CDH17: variants seen among roughly 807,000 people sequenced by gnomAD.
CDH17 encodes the protein cadherin 17, also known as cadherin-17.
Under a neutral mutation model 86.3 loss-of-function variants are expected in CDH17, and 67 were observed. The observed-to-expected ratio is 0.78, with a 90% CI of 0.64 to 0.95. CDH17 has a LOEUF of 0.95. Ranked by LOEUF, CDH17 falls within the 40% of genes least tolerant of loss-of-function variation. The probability of loss-of-function intolerance (pLI) is 0.00; values close to 1 mark genes in which losing one functional copy is unlikely to be tolerated. For synonymous variants in CDH17, 367 were observed against 366.4 expected (o/e 1.00, Z -0.02); for missense variants, 993 against 1,017.6 (o/e 0.98, Z 0.33).
rs1429132554 is a variant in CDH17, at chr8:94,177,592, G to T, written c.280C>A (p.Leu94Ile). 6.2e-6 allele frequency: 10 copies of T among 1,613,750 alleles called. No individual in the cohort carries two copies. Among genetic ancestry groups the T allele is most frequent in the Non-Finnish European group, 8.5e-6 (10 of 1,179,750 alleles). Reference sequence around the variant, plus strand: ...TTCAGCTGGTATCAATTTACCTGGAGATTGTGAGTAGATCTTGTTTCCCTG... The same window carrying T: ...TTCAGCTGGTATCAATTTACCTGGATATTGTGAGTAGATCTTGTTTCCCTG... ...LDRETRSTHN[L>I]QVAALDANGI... The change falls in exon 4 of 18, where the codon CTC becomes ATC. Residue 94 changes from leucine to isoleucine, a missense_variant. Transcript: ENST00000027335.
chr8:94,168,413 G>A (rs948537969), intron 9 of CDH17, among the ~76,000 whole-genome samples: 1 of 150,952 alleles, frequency 6.6e-6, no homozygotes. Context: ...TGCTGGGTGG[G>A]ATTACAGGCA....
chr8:94,130,562 C>T (rs1812391399), intron 17 of CDH17, 64 bp downstream of exon 17: 1 of 1,127,780 alleles, frequency 8.9e-7, no homozygotes, highest in South Asian at 1.4e-5. Flanking sequence ...AAGACAGGCC[C>T]TGAGATGAGC....
intron 3 of CDH17, 87 bp from the exon 4 acceptor site, chr8:94,177,808 T>A (rs1283764644): frequency 7.7e-7 from 1 of 1,302,108 alleles, no homozygotes; most frequent in African/African-American, 1.5e-5. Context: ...TCAGGTAAAA[T>A]TTTCATTGGT....
intron 1 of CDH17, among the ~76,000 whole-genome samples, chr8:94,197,704 G>A (rs573580130): frequency 1.3e-5 from 2 of 151,948 alleles, no homozygotes; most frequent in Non-Finnish European, 2.9e-5. Flanking sequence ...GGCAGTAGGT[G>A]CCTGTAGTCC....
At chr8:94,139,706 C>G (rs1440505546) in intron 15 of CDH17, among the ~76,000 whole-genome samples, 1 of 151,696 alleles carries the variant, frequency 6.6e-6, no homozygotes, top group Non-Finnish European at 1.5e-5. Context: ...AGTTTGAGAC[C>G]AGTCTGGCCA....
In CDH17 at chr8:94,167,320, A is replaced by G. The variant is rs187992561; in HGVS notation, c.1067-1344T>C. On this transcript the variant is annotated intron_variant, in intron 9 of 17. Coordinates refer to ENST00000027335, the MANE Select transcript of CDH17 (RefSeq NM_004063.4). The stretch of plus-strand genomic sequence containing the variant: ...GGAGGTGGGAATTGTAGGTCTCTTT[A>G]TATGTAGCAAGAATCCCACGTAGGA... Among the ~76,000 whole-genome samples the G allele has an allele frequency of 4.3e-3, 653 of 152,228 alleles. 5 individuals carry two copies. The highest frequency in any genetic ancestry group is 6.7e-3 in the Non-Finnish European group (455 of 68,000).
At chr8:94,154,799 T>C (rs1265402781) in intron 12 of CDH17, among the ~76,000 whole-genome samples, 1 of 152,186 alleles carries the variant, frequency 6.6e-6, no homozygotes, top group African/African-American at 2.4e-5. Flanking sequence ...GAAGAAGAAC[T>C]GCATCATATT....
Position 94,128,998 on chromosome 8 carries a change from T to A in CDH17, c.2399-658A>T, listed in dbSNP as rs188054763. 2.4e-3 allele frequency among the ~76,000 whole-genome samples: 360 copies of A among 152,328 alleles called. 2 individuals are homozygous for A. Among genetic ancestry groups the A allele is most frequent in the Admixed American group, 7.8e-3 (120 of 15,300 alleles). ...GAAGAAGGAGTTGTTTTAAGGAAAT[T>A]AACCTGCTAGTAAGTTTATAGGAGG... On this transcript the variant is annotated intron_variant, in intron 17 of 17. Transcript: ENST00000027335.
At position 94,136,111 on chromosome 8, in the gene CDH17, T is replaced by A. The variant is rs562641543; in HGVS notation, c.2168-5119A>T. On this transcript the variant is annotated intron_variant, in intron 15 of 17. Transcript: ENST00000027335. ...ATTTTTCCCTTCATTTCAACCTTGG[T>A]GAATCTGACAATTATGTGTCTTGGG... Among the ~76,000 whole-genome samples the A allele has an allele frequency of 1.2e-3, 190 of 152,288 alleles. 1 individual carries two copies. The highest frequency in any genetic ancestry group is 4.2e-3 in the African/African-American group (174 of 41,558).
At chr8:94,156,730 C>G (rs370904499) in intron 12 of CDH17, among the ~76,000 whole-genome samples, 1 of 152,220 alleles carries the variant, frequency 6.6e-6, no homozygotes, top group East Asian at 1.9e-4. Context: ...GGAAAGCATA[C>G]CTGTCCGCAG....
At position 94,194,048 on chromosome 8, in the gene CDH17, T is replaced by TA. The variant is rs989945343; in HGVS notation, c.51+586dup. Among the ~76,000 whole-genome samples the TA allele has an allele frequency of 4.6e-5, 7 of 152,126 alleles. 1 individual carries two copies. The East Asian group carries it at 9.6e-4, about 21-fold the overall frequency. ...TGAACCTCAGCAGTCACGTAGATTT[T>TA]AAAAAAAGGCACCTACTGTTTACCC... On this transcript the variant is annotated intron_variant, in intron 2 of 17. Coordinates refer to ENST00000027335, the MANE Select transcript of CDH17 (RefSeq NM_004063.4).
At chr8:94,130,593 A>G (rs1216245174) in intron 17 of CDH17, 33 bp downstream of exon 17, 5 of 1,437,836 alleles carry the variant, frequency 3.5e-6, no homozygotes, top group Non-Finnish European at 3.9e-6. Context: ...GAGGCCCAGG[A>G]TAAGACTCTT....
chr8:94,197,842 A>G (rs1276106388), intron 1 of CDH17, among the ~76,000 whole-genome samples: 8 of 149,142 alleles, frequency 5.4e-5, no homozygotes, highest in South Asian at 2.1e-4. Context: ...AAAAAAAAAA[A>G]AAAAAAGAAA....
At chr8:94,175,303 C>T (rs1014052083) in intron 5 of CDH17, among the ~76,000 whole-genome samples, 17 of 152,090 alleles carry the variant, frequency 1.1e-4, no homozygotes, top group African/African-American at 3.1e-4. Flanking sequence ...AGAAAAGGTA[C>T]GGCCTGGAGC....
chr8:94,128,055 T>C lies in CDH17; in HGVS notation c.*185A>G, dbSNP rs537492031. ...TTGCAGTGAGCTGGGATCACACCAC[T>C]GTACTCCAGCCTGGGCGACAGAGCA... On this transcript the variant is annotated 3_prime_UTR_variant, in exon 18 of 18. Transcript: ENST00000027335. The C allele has an allele frequency of 1.8e-6, 1 of 549,674 alleles. No homozygotes were observed. Among genetic ancestry groups the C allele is most frequent in the Non-Finnish European group, 3.2e-6 (1 of 309,572 alleles). The allele number at this position is 549,674 out of a possible 1,614,324, so 34.0% of individuals were successfully genotyped here.
intron 13 of CDH17, among the ~76,000 whole-genome samples, chr8:94,150,077 G>C (rs900484039): frequency 1.3e-5 from 2 of 152,174 alleles, no homozygotes; most frequent in African/African-American, 2.4e-5. Context: ...AAAAAAGTAT[G>C]ATGTGTTAAT....
chr8:94,131,177 C>T (rs978138038), intron 15 of CDH17, among the ~76,000 whole-genome samples, 185 bp from the exon 16 acceptor site: 3 of 152,140 alleles, frequency 2.0e-5, no homozygotes, highest in African/African-American at 4.8e-5. Context: ...GCTAAAGCAT[C>T]CTTTAAGTTC....
chr8:94,185,521 C>T (rs1036328089), intron 3 of CDH17, among the ~76,000 whole-genome samples: 1 of 152,100 alleles, frequency 6.6e-6, no homozygotes, highest in African/African-American at 2.4e-5. Flanking sequence ...GATGTTTGTC[C>T]GTTGTAAAGC....
rs997534611 is a variant in CDH17 at position 94,130,634 on chromosome 8, A to G, written c.2390T>C (p.Leu797Pro). ...MAVGILLTTLLVIGIILAVVF... is the reference protein window; with the variant it reads ...MAVGILLTTLPVIGIILAVVF... ...TAAGAAATTACACTCACCAATCACC[A>G]GAAGGGTGGTCAGCAGTATACCAAC... is the stretch of plus-strand genomic sequence containing the variant. The change falls in exon 17 of 18, where the codon CTG (leucine) becomes CCG (proline). Residue 797 changes from leucine (L) to proline (P), a missense_variant. Transcript: ENST00000027335. 7.5e-6 allele frequency: 12 copies of G among 1,606,518 alleles called. No individual in the cohort carries two copies. The highest frequency in any genetic ancestry group is 9.4e-6 in the Non-Finnish European group (11 of 1,173,822).
Sources: gnomAD v4.1 joint callset for allele counts (sites outside exome capture counted in the v4.1 genomes callset) on GRCh38, gnomAD v4.1.1 for gene constraint, MANE v1.5 for transcripts, NCBI Gene and HGNC (gene_info 2026-07-23, HGNC 2026-07-21) for gene names.